The following LAMA4 variants were observed in gnomAD, a reference collection of about 807,000 sequenced individuals.
The protein encoded by LAMA4 is laminin subunit alpha-4.
A neutral mutation model predicts 207.1 loss-of-function variants in LAMA4; 127 were observed. The ratio of observed to expected loss-of-function variants is 0.61; its 90% CI spans 0.53 to 0.71. LAMA4 has a LOEUF of 0.71. Ranked by LOEUF, LAMA4 falls within the 30% of genes least tolerant of loss-of-function variation. The probability of loss-of-function intolerance (pLI) is 0.00; values close to 1 mark genes in which losing one functional copy is unlikely to be tolerated. For missense variants in LAMA4, 2,093 were observed against 2,246.5 expected (o/e 0.93, Z 1.38); for synonymous variants, 761 against 816.0 (o/e 0.93, Z 1.15).
intron 2 of LAMA4, among the ~76,000 whole-genome samples, chr6:112,239,899 T>C (rs9487862): frequency 0.064 from 9,665 of 151,996 alleles, 448 homozygotes; most frequent in East Asian, 0.17. Context: ...CCGTCTCTAC[T>C]AAAAACACAA....
chr6:112,183,334 C>A (rs1782476747), intron 9 of LAMA4, among the ~76,000 whole-genome samples: 1 of 152,102 alleles, frequency 6.6e-6, no homozygotes, highest in African/African-American at 2.4e-5. Flanking sequence ...TGAAATGTTT[C>A]AGCAGGTTTT....
chr6:112,171,838 T>G (rs1333033514), intron 12 of LAMA4: 1 of 152,364 alleles, frequency 6.6e-6, no homozygotes, highest in Non-Finnish European at 1.5e-5. Context: ...AAAATCAGGC[T>G]AGAGAGCCTA....
intron 38 of LAMA4, among the ~76,000 whole-genome samples, chr6:112,113,009 G>A (rs1344066259): frequency 6.6e-6 from 1 of 152,144 alleles, no homozygotes; most frequent in Non-Finnish European, 1.5e-5. Context: ...GTTACTAGAG[G>A]CTGGGAAGGG....
At chr6:112,139,986 C>T in intron 22 of LAMA4, 101 bp from the exon 23 acceptor site, 2 of 1,154,226 alleles carry the variant, frequency 1.7e-6, no homozygotes, top group Non-Finnish European at 2.6e-6. Flanking sequence ...GGAGACCTAC[C>T]CCTTTGTGGA....
intron 5 of LAMA4, chr6:112,200,176 CT>C (rs782628516): frequency 7.5e-6 from 4 of 532,830 alleles, no homozygotes; most frequent in Non-Finnish European, 1.5e-5. Flanking sequence ...TGGAGAAGGC[CT>C]TTCTTACATG....
chr6:112,234,550 C>T (rs1474627183), intron 2 of LAMA4: 2 of 151,094 alleles, frequency 1.3e-5, no homozygotes, highest in Admixed American at 1.3e-4. Context: ...AGCGCATTTT[C>T]TAGATAAACA....
chr6:112,144,680 T>A, intron 19 of LAMA4, 114 bp downstream of exon 19: 1 of 1,225,826 alleles, frequency 8.2e-7, no homozygotes, highest in Non-Finnish European at 1.2e-6. Context: ...TGAGAACTAC[T>A]GAGTTGGAGA....
chr6:112,119,372 G>C, intron 33 of LAMA4, 61 bp from the exon 34 acceptor site: 1 of 1,562,780 alleles, frequency 6.4e-7, no homozygotes, highest in Non-Finnish European at 8.8e-7. Flanking sequence ...AGAAAAGGCT[G>C]TGTTTCCTCT....
chr6:112,236,085 T>G (rs1785899266), intron 2 of LAMA4: 1 of 152,246 alleles, frequency 6.6e-6, no homozygotes, highest in Non-Finnish European at 1.5e-5. Flanking sequence ...GTCCCTGCTC[T>G]GTGATGCAGT....
chr6:112,198,699 G>C (rs145224052), intron 5 of LAMA4, among the ~76,000 whole-genome samples: 2 of 152,184 alleles, frequency 1.3e-5, no homozygotes, highest in Non-Finnish European at 1.5e-5. Flanking sequence ...GCTCAGAGCT[G>C]TAATTTCTAG....
intron 11 of LAMA4, among the ~76,000 whole-genome samples, chr6:112,174,621 T>C (rs1781913190): frequency 6.6e-6 from 1 of 152,200 alleles, no homozygotes; most frequent in Non-Finnish European, 1.5e-5. Flanking sequence ...GCCTCCCTAG[T>C]AGCTGGGACT....
intron 2 of LAMA4, among the ~76,000 whole-genome samples, chr6:112,246,621 A>G (rs1324570834): frequency 6.6e-6 from 1 of 151,820 alleles, no homozygotes; most frequent in African/African-American, 2.4e-5. Context: ...CCCGAGTTCA[A>G]GGAATTCTCT....
chr6:112,215,647 A>C (rs1554358364), intron 3 of LAMA4, among the ~76,000 whole-genome samples: 1 of 152,200 alleles, frequency 6.6e-6, no homozygotes. Context: ...CACTGAAGCC[A>C]CTTCTGGTAA....
rs1554325035 is a variant in LAMA4 at position 112,118,913 on chromosome 6, T to A, written c.4821+243A>T. On this transcript the variant is annotated intron_variant, in intron 34 of 38. Transcript: ENST00000230538. This position sits in a 1 kb window ranked among gnomAD's most constrained non-coding sequence, Gnocchi z 4.6. The stretch of plus-strand genomic sequence containing the variant: ...TGAGACATAAATTTTCATGATAATT[T>A]ATGCCTCTGAAACTTTTTCATTTGA... Among the ~76,000 whole-genome samples the A allele has an allele frequency of 6.6e-6, 1 of 152,240 alleles. No individual in the cohort carries two copies. The highest frequency in any genetic ancestry group is 2.4e-5 in the African/African-American group (1 of 41,462).
chr6:112,174,352 C>A (rs1490420226), intron 11 of LAMA4, among the ~76,000 whole-genome samples: 2 of 152,226 alleles, frequency 1.3e-5, no homozygotes, highest in Non-Finnish European at 1.5e-5. Flanking sequence ...CCGGCCAGCC[C>A]CAGACATCTG....
At chr6:112,110,398 A>G (rs1554321210) in intron 38 of LAMA4, among the ~76,000 whole-genome samples, 1 of 152,232 alleles carries the variant, frequency 6.6e-6, no homozygotes, top group African/African-American at 2.4e-5. Context: ...GATGGAAAAC[A>G]CTTAGAAATC....
chr6:112,129,096 A>G, intron 30 of LAMA4, 21 bp from the exon 31 acceptor site: 1 of 1,590,060 alleles, frequency 6.3e-7, no homozygotes, highest in South Asian at 1.1e-5. Context: ...AACAGAGGAA[A>G]AAATAAATAT....
At chr6:112,122,452 G>C (rs1318458599) in intron 31 of LAMA4, among the ~76,000 whole-genome samples, 3 of 152,234 alleles carry the variant, frequency 2.0e-5, no homozygotes, top group Middle Eastern at 3.4e-3. Context: ...GTAAAGCAAA[G>C]TTAAACTGAA....
rs782250273 is a variant in LAMA4 at position 112,120,398 on chromosome 6, T to C, written c.4550A>G (p.Asn1517Ser). Residue 1517 changes from asparagine (N) to serine (S), a missense_variant, in exon 33 of 39, where the codon AAT becomes AGT. Asn to Ser is a conservative substitution (Grantham distance 46). Coordinates refer to ENST00000230538, the MANE Select transcript of LAMA4 (RefSeq NM_001105206.3). Reference sequence around the variant, plus strand: ...GGCCAAAAATAGAGTCATGAAGTCATTCTCTTCTTGATCTGAGACATAGAA... The same window carrying C: ...GGCCAAAAATAGAGTCATGAAGTCACTCTCTTCTTGATCTGAGACATAGAA... ...MIFYVSDQEENDFMTLFLAHG... is the reference protein window; with the variant it reads ...MIFYVSDQEESDFMTLFLAHG... 1.9e-6 allele frequency: 3 copies of C among 1,613,720 alleles called. No homozygotes were observed. Among genetic ancestry groups the C allele is most frequent in the Non-Finnish European group, 2.5e-6 (3 of 1,179,612 alleles).
Sources: gnomAD v4.1 joint callset for allele counts (sites outside exome capture counted in the v4.1 genomes callset) on GRCh38, gnomAD v4.1.1 for gene constraint, Gnocchi (gnomAD v3.1) non-coding constraint, MANE v1.5 for transcripts, NCBI Gene and HGNC (gene_info 2026-07-23, HGNC 2026-07-21) for gene names.